Variants in USP6NL observed in about 807,000 individuals in gnomAD.
USP6NL encodes the protein USP6 N-terminal like.
In USP6NL, 26 loss-of-function variants were observed where a neutral mutation model predicts 61.9. That is an observed-to-expected ratio of 0.42 (90% CI 0.31 to 0.58). USP6NL has a LOEUF of 0.58. Among genes scored for constraint, USP6NL ranks in the 20% least tolerant of loss-of-function variants. The pLI is 0.16. For synonymous variants in USP6NL, 432 were observed against 390.1 expected (o/e 1.11, Z -1.27); for missense variants, 1,114 against 1,034.3 (o/e 1.08, Z -1.06).
chr10:11,609,878 A>C (rs975746933), intron 1 of USP6NL, among the ~76,000 whole-genome samples: 1 of 152,222 alleles, frequency 6.6e-6, no homozygotes, highest in African/African-American at 2.4e-5. Flanking sequence ...GTCAGTCCCC[A>C]GTAGGAGCTA....
intron 14 of USP6NL, among the ~76,000 whole-genome samples, chr10:11,475,885 G>A (rs1832951176): frequency 6.6e-6 from 1 of 152,064 alleles, no homozygotes; most frequent in African/African-American, 2.4e-5. Context: ...GAAAACAGTA[G>A]TCACTGTGGG....
Position 11,595,239 on chromosome 10 carries a change from C to A in USP6NL, c.4+2392G>T, listed in dbSNP as rs1348676838. 2.0e-5 allele frequency among the ~76,000 whole-genome samples: 3 copies of A among 152,132 alleles called. No individual in the cohort carries two copies. Among genetic ancestry groups the A allele is most frequent in the Non-Finnish European group, 4.4e-5 (3 of 68,018 alleles). On this transcript the variant is annotated intron_variant, in intron 2 of 14. Transcript: ENST00000609104. This position sits in a 1 kb window ranked among gnomAD's most constrained non-coding sequence, Gnocchi z 5.3. ...CTGTAGATCAGACATCTAACAGGAA[C>A]ATAAAGGGTGAGGCACACTGAAGGC...
Position 11,596,970 on chromosome 10 carries a change from A to T in USP6NL, c.4+661T>A, listed in dbSNP as rs191400040. 3.9e-5 allele frequency among the ~76,000 whole-genome samples: 6 copies of T among 152,302 alleles called. No individual in the cohort carries two copies. The East Asian group carries it at 5.8e-4, about 15-fold the overall frequency. Reference sequence around the variant, plus strand: ...CATCCCAAAGATTCCATAATCAGGAAATCTATACTTCAAATCTCCATATAA... The same window carrying T: ...CATCCCAAAGATTCCATAATCAGGATATCTATACTTCAAATCTCCATATAA... On this transcript the variant is annotated intron_variant, in intron 2 of 14. Coordinates refer to ENST00000609104, the MANE Select transcript of USP6NL (RefSeq NM_014688.5). This position sits in a 1 kb window ranked among gnomAD's most constrained non-coding sequence, Gnocchi z 4.1.
Position 11,525,549 on chromosome 10 carries a change from A to C in USP6NL, c.73-81T>G, listed in dbSNP as rs1835381239. On this transcript the variant is annotated intron_variant, in intron 3 of 14. Transcript: ENST00000609104. The surrounding 1 kb of genome is among the most constrained non-coding windows in gnomAD (Gnocchi z 5.0). ...TTTAAAATAAAAGGACGAAGAAATA[A>C]GAGCTATTTTTAATGTATTACTAAA... The C allele has an allele frequency of 8.1e-7, 1 of 1,235,922 alleles. No individual in the cohort carries two copies. Among genetic ancestry groups the C allele is most frequent in the African/African-American group, 1.6e-5 (1 of 63,204 alleles). 76.6% of individuals were successfully genotyped at this position (1,235,922 alleles called of 1,614,324 possible). A position where few individuals can be genotyped will look rare whatever the true frequency, so the allele number is the denominator to read the frequency against.
rs1297339058 is a variant in USP6NL at position 11,602,362 on chromosome 10, G to A, written c.-83-4645C>T. On this transcript the variant is annotated intron_variant, in intron 1 of 14. Transcript: ENST00000609104. This position sits in a 1 kb window ranked among gnomAD's most constrained non-coding sequence, Gnocchi z 4.8. The stretch of plus-strand genomic sequence containing the variant: ...AGGCAGATAATAACATAGATAACAG[G>A]AAGGATTTACTATGTATAATATATA... Among the ~76,000 whole-genome samples, 1 of 151,976 alleles carries A rather than the reference G, an allele frequency of 6.6e-6. No homozygotes were observed. Among genetic ancestry groups the A allele is most frequent in the African/African-American group, 2.4e-5 (1 of 41,380 alleles).
At chr10:11,599,375 T>G (rs1447823764) in intron 1 of USP6NL, among the ~76,000 whole-genome samples, 1 of 152,212 alleles carries the variant, frequency 6.6e-6, no homozygotes, top group African/African-American at 2.4e-5. Context: ...AATGGTAACA[T>G]TAAAGCACCT....
chr10:11,608,327 T>C (rs1432762190), intron 1 of USP6NL, among the ~76,000 whole-genome samples: 1 of 152,170 alleles, frequency 6.6e-6, no homozygotes, highest in Non-Finnish European at 1.5e-5. Flanking sequence ...TGACTTCCCT[T>C]CTCTAATGGC....
chr10:11,523,227 T>C (rs1411761036), intron 4 of USP6NL, among the ~76,000 whole-genome samples: 1 of 152,226 alleles, frequency 6.6e-6, no homozygotes, highest in Non-Finnish European at 1.5e-5. Flanking sequence ...ATCACTTATT[T>C]CATGGCTGTA....
chr10:11,471,806 T>G (rs1199891303), intron 14 of USP6NL, among the ~76,000 whole-genome samples: 1 of 115,664 alleles, frequency 8.6e-6, no homozygotes, highest in African/African-American at 3.4e-5. Flanking sequence ...GAGGGGAACA[T>G]CACACACCGA....
chr10:11,576,110 T>C (rs1203152363), intron 2 of USP6NL, among the ~76,000 whole-genome samples: 1 of 150,720 alleles, frequency 6.6e-6, no homozygotes, highest in Non-Finnish European at 1.5e-5. Context: ...AAAGCAATAA[T>C]ATTAACACAG....
chr10:11,566,457 A>G (rs1837159713), intron 2 of USP6NL, among the ~76,000 whole-genome samples: 1 of 152,236 alleles, frequency 6.6e-6, no homozygotes, highest in Non-Finnish European at 1.5e-5. Flanking sequence ...TGCCTCCTTC[A>G]ATCCACATTC....
chr10:11,592,045 T>C lies in USP6NL; in HGVS notation c.4+5586A>G, dbSNP rs542657270. 2.0e-5 allele frequency among the ~76,000 whole-genome samples: 3 copies of C among 152,080 alleles called. No homozygotes were observed. Among genetic ancestry groups the C allele is most frequent in the African/African-American group, 7.2e-5 (3 of 41,400 alleles). ...CCACCATGCCCAGCTAATTTTTTAG[T>C]ATTTTTAGTAGAGACGGGGTTTCAC... On this transcript the variant is annotated intron_variant, in intron 2 of 14. Coordinates refer to ENST00000609104, the MANE Select transcript of USP6NL (RefSeq NM_014688.5). This position sits in a 1 kb window ranked among gnomAD's most constrained non-coding sequence, Gnocchi z 4.7.
intron 2 of USP6NL, among the ~76,000 whole-genome samples, chr10:11,581,688 C>G (rs1837779449): frequency 6.6e-6 from 1 of 152,192 alleles, no homozygotes; most frequent in South Asian, 2.1e-4. Context: ...CCATTTCTAA[C>G]TCTTCTCTCT....
In USP6NL at chr10:11,476,184, G is replaced by A. The variant is rs1832961258; in HGVS notation, c.1078+5586C>T. ...GCTGGTGAGAAAAACAGCTTAACAG[G>A]CAGCCTAAGGGACAACTGGAAATCT... On this transcript the variant is annotated intron_variant, in intron 14 of 14. Transcript: ENST00000609104. The surrounding 1 kb of genome is among the most constrained non-coding windows in gnomAD (Gnocchi z 4.3). Among the ~76,000 whole-genome samples, 1 of 152,184 alleles carries A rather than the reference G, an allele frequency of 6.6e-6. No homozygotes were observed. Among genetic ancestry groups the A allele is most frequent in the Admixed American group, 6.5e-5 (1 of 15,284 alleles).
At position 11,499,798 on chromosome 10, in the gene USP6NL, TGA is replaced by T. The variant is rs1475767461; in HGVS notation, c.384+1301_384+1302del. ...TGGACTTCTGTCCTCAAGAACTGTG[TGA>T]GAGAGAGTTCTGTTGTTTTGAGCCG... On this transcript the variant is annotated intron_variant, in intron 7 of 14. Coordinates refer to ENST00000609104, the MANE Select transcript of USP6NL (RefSeq NM_014688.5). The surrounding 1 kb of genome is among the most constrained non-coding windows in gnomAD (Gnocchi z 4.5). Among the ~76,000 whole-genome samples, 5 of 152,338 alleles carry T rather than the reference TGA, an allele frequency of 3.3e-5. No individual in the cohort carries two copies. In the East Asian group the frequency reaches 9.6e-4, roughly 29 times the overall value.
chr10:11,565,159 C>A (rs1392497014), intron 2 of USP6NL: 1 of 152,146 alleles, frequency 6.6e-6, no homozygotes, highest in Non-Finnish European at 1.5e-5. Flanking sequence ...GAAACAAAAA[C>A]TAAGTTTTGC....
chr10:11,588,349 A>G (rs146877051), intron 2 of USP6NL, among the ~76,000 whole-genome samples: 1 of 152,226 alleles, frequency 6.6e-6, no homozygotes, highest in Non-Finnish European at 1.5e-5. Context: ...TAATCTATCT[A>G]TGTGATTATT....
At position 11,589,460 on chromosome 10, in the gene USP6NL, T is replaced by C. The variant is rs1280981447; in HGVS notation, c.4+8171A>G. 6.6e-6 allele frequency among the ~76,000 whole-genome samples: 1 copy of C among 152,188 alleles called. No homozygotes were observed. The highest frequency in any genetic ancestry group is 1.5e-5 in the Non-Finnish European group (1 of 68,024). On this transcript the variant is annotated intron_variant, in intron 2 of 14. Transcript: ENST00000609104. The surrounding 1 kb of genome is among the most constrained non-coding windows in gnomAD (Gnocchi z 4.7). ...ATCATAGAAAGACAATAATATAAAA[T>C]TGTTACCAAAGGAAAATACAAAGAC...
At chr10:11,486,187 C>T (rs1833462693) in intron 10 of USP6NL, among the ~76,000 whole-genome samples, 1 of 147,420 alleles carries the variant, frequency 6.8e-6, no homozygotes, top group Admixed American at 6.8e-5. Context: ...ACACTGAAGA[C>T]ATTTATCAAG....
Sources: allele counts gnomAD v4.1 joint callset (sites outside exome capture counted in the v4.1 genomes callset), GRCh38; gene constraint gnomAD v4.1.1; non-coding constraint Gnocchi (gnomAD v3.1); transcripts MANE v1.5; gene names NCBI Gene and HGNC (gene_info 2026-07-23, HGNC 2026-07-21).